Variants in PCDHA3 observed in about 807,000 individuals in gnomAD.
The protein encoded by PCDHA3 is protocadherin alpha-3.
PCDHA3 carries 41 observed loss-of-function variants against 62.2 expected under a neutral mutation model. The observed-to-expected ratio is 0.66, with a 90% confidence interval of 0.51 to 0.86. The LOEUF (loss-of-function observed/expected upper bound fraction) is 0.86, where lower values mean the gene tolerates loss of function less well. PCDHA3 is among the 40% of genes least tolerant of loss of function. The pLI, the probability that PCDHA3 is intolerant of heterozygous loss-of-function variation, is 0.00. For missense variants in PCDHA3, 1,304 were observed against 1,241.2 expected (o/e 1.05, Z -0.76); for synonymous variants, 640 against 555.4 (o/e 1.15, Z -2.14).
chr5:140,828,562 G>C (rs1769827145), intron 1 of PCDHA3: 1 of 1,614,114 alleles, frequency 6.2e-7, no homozygotes, highest in Admixed American at 1.7e-5. Flanking sequence ...TGGAGGGCGC[G>C]TCCGATGCAG....
chr5:140,920,060 G>T (rs565038135), intron 1 of PCDHA3, among the ~76,000 whole-genome samples: 1 of 152,264 alleles, frequency 6.6e-6, no homozygotes, highest in African/African-American at 2.4e-5. Context: ...CCAACACCTG[G>T]AAAAGGCAGA....
chr5:140,893,656 TA>T (rs1241356048), intron 1 of PCDHA3, among the ~76,000 whole-genome samples: 28 of 152,340 alleles, frequency 1.8e-4, no homozygotes, highest in Admixed American at 1.6e-3. Flanking sequence ...CTGATAGTTT[TA>T]AAAAATTTCA....
rs1299551760 is a variant in PCDHA3 at position 140,802,980 on chromosome 5, C to T, written c.1783C>T (p.Arg595Cys). The T allele has an allele frequency of 6.2e-7, 1 of 1,613,880 alleles. No homozygotes were observed. The highest frequency in any genetic ancestry group is 1.3e-5 in the African/African-American group (1 of 74,952). ...VGAGHVVAKV[R>C]AVDADSGYNA... The stretch of plus-strand genomic sequence containing the variant: ...TGCGGGCCACGTGGTAGCGAAGGTG[C>T]GCGCAGTGGATGCAGACTCAGGCTA... Residue 595 changes from arginine to cysteine, a missense_variant, in exon 1 of 4, where the codon CGC becomes TGC. By Grantham distance (180) the Arg-to-Cys change is radical (BLOSUM62 -3). Transcript: ENST00000522353.
At chr5:140,984,177 A>G (rs1337365733) in intron 3 of PCDHA3, among the ~76,000 whole-genome samples, 3 of 152,190 alleles carry the variant, frequency 2.0e-5, no homozygotes, top group Non-Finnish European at 4.4e-5. Context: ...AAGCCACGTG[A>G]AATCATGACT....
intron 1 of PCDHA3, among the ~76,000 whole-genome samples, chr5:140,910,994 CT>C (rs1312142604): frequency 2.0e-5 from 3 of 152,222 alleles, no homozygotes; most frequent in African/African-American, 7.2e-5. Flanking sequence ...AACCTCACCC[CT>C]AGGGCCCTCC....
chr5:140,913,276 CT>C (rs1468388675), intron 1 of PCDHA3, among the ~76,000 whole-genome samples: 1 of 152,070 alleles, frequency 6.6e-6, no homozygotes, highest in Non-Finnish European at 1.5e-5. Flanking sequence ...TGTTATTGGT[CT>C]GTTTAGGTTT....
chr5:140,932,398 T>TA (rs1472151465), intron 1 of PCDHA3, among the ~76,000 whole-genome samples: 1 of 151,960 alleles, frequency 6.6e-6, no homozygotes, highest in Non-Finnish European at 1.5e-5. Flanking sequence ...AGTTTCAACA[T>TA]ACCAATGTTA....
At chr5:140,969,347 G>C (rs1554231707) in intron 1 of PCDHA3, 1 of 1,613,472 alleles carries the variant, frequency 6.2e-7, no homozygotes, top group South Asian at 1.1e-5. Context: ...ACAGTGGTCA[G>C]GGGGTCTTCT....
rs1554213778 is a variant in PCDHA3, at chr5:140,941,190, T to TC, written c.2395-37759_2395-37758insC. ...CCATCTTGAACATCCTGCTTCTTTT[T>TC]TTTTCTTTCTTCCTTTCTTTCTTCC... On this transcript the variant is annotated intron_variant, in intron 1 of 3. Coordinates refer to ENST00000522353, the MANE Select transcript of PCDHA3 (RefSeq NM_018906.3). Among the ~76,000 whole-genome samples, 446 of 129,506 alleles carry TC rather than the reference T, an allele frequency of 3.4e-3. 3 individuals are homozygous for TC. Among genetic ancestry groups the TC allele is most frequent in the South Asian group, 0.026 (101 of 3,954 alleles). The allele number at this position is 129,506 out of a possible 152,430, so 85.0% of individuals were successfully genotyped here.
intron 1 of PCDHA3, chr5:140,822,236 A>G: frequency 6.2e-7 from 1 of 1,614,248 alleles, no homozygotes; most frequent in Non-Finnish European, 8.5e-7. Context: ...TTTCCGCTAG[A>G]GGGCGCGTCG....
At chr5:140,819,566 T>G (rs1437809620) in intron 1 of PCDHA3, among the ~76,000 whole-genome samples, 1 of 152,138 alleles carries the variant, frequency 6.6e-6, no homozygotes, top group Non-Finnish European at 1.5e-5. Flanking sequence ...GAAAATAGCT[T>G]AGAAGAAGAT....
chr5:140,994,190 C>G (rs1377695035), intron 3 of PCDHA3, among the ~76,000 whole-genome samples: 1 of 152,136 alleles, frequency 6.6e-6, no homozygotes, highest in Non-Finnish European at 1.5e-5. Context: ...ACCACCAGGG[C>G]CTGTTGGTCC....
rs374326542 is a variant in PCDHA3, at chr5:140,927,218, A to G, written c.2395-51731A>G. The G allele has an allele frequency of 2.5e-6, 4 of 1,613,972 alleles. No individual in the cohort carries two copies. The African/African-American group carries it at 5.3e-5, about 22-fold the overall frequency. On this transcript the variant is annotated intron_variant, in intron 1 of 3. Coordinates refer to ENST00000522353, the MANE Select transcript of PCDHA3 (RefSeq NM_018906.3). ...CTCGAGGACCCGCTGGAGCTGCACA[A>G]GATTCGGATTCACGTCCTGGACACC...
chr5:140,853,297 G>T, intron 1 of PCDHA3: 1 of 981,768 alleles, frequency 1.0e-6, no homozygotes, highest in Non-Finnish European at 1.2e-6. Context: ...TCTCAGAAGG[G>T]CTGTGAACAC....
intron 1 of PCDHA3, among the ~76,000 whole-genome samples, chr5:140,962,851 C>T (rs2095713637): frequency 1.3e-5 from 2 of 152,114 alleles, no homozygotes; most frequent in South Asian, 4.1e-4. Flanking sequence ...ATAACTTGTG[C>T]TCGGTTTGTA....
chr5:140,897,311 C>T (rs1460942002), intron 1 of PCDHA3, among the ~76,000 whole-genome samples: 7 of 150,308 alleles, frequency 4.7e-5, no homozygotes, highest in Non-Finnish European at 7.4e-5. Context: ...TTAGGTATAT[C>T]TCCTAAAGCT....
chr5:140,898,995 T>C (rs1176186680), intron 1 of PCDHA3, among the ~76,000 whole-genome samples: 4 of 151,956 alleles, frequency 2.6e-5, no homozygotes, highest in Non-Finnish European at 5.9e-5. Flanking sequence ...TCTGTTTGTC[T>C]GTTATTGGTG....
chr5:140,845,125 T>C (rs1779709915), intron 1 of PCDHA3, among the ~76,000 whole-genome samples: 1 of 149,748 alleles, frequency 6.7e-6, no homozygotes, highest in Non-Finnish European at 1.5e-5. Flanking sequence ...GTTTAGCATT[T>C]TATTTGACTA....
intron 1 of PCDHA3, chr5:140,870,101 G>C (rs1345689033): frequency 3.1e-6 from 5 of 1,613,914 alleles, no homozygotes; most frequent in Non-Finnish European, 4.2e-6. Context: ...GCAGGTCACT[G>C]TACAGTCTGG....
Sources: gnomAD v4.1 joint callset for allele counts (sites outside exome capture counted in the v4.1 genomes callset) on GRCh38, gnomAD v4.1.1 for gene constraint, MANE v1.5 for transcripts, NCBI Gene and HGNC (gene_info 2026-07-23, HGNC 2026-07-21) for gene names.